TLN2: variants seen among roughly 807,000 people sequenced by gnomAD.
The protein encoded by TLN2 is talin-2.
A neutral mutation model predicts 294.7 loss-of-function variants in TLN2; 118 were observed. That is an observed-to-expected ratio of 0.40 (90% CI 0.34 to 0.47). The LOEUF is 0.47. TLN2 is among the 20% of genes least tolerant of loss of function. TLN2 has a pLI of 0.84. For synonymous variants in TLN2, 1,431 were observed against 1,304.5 expected (o/e 1.10, Z -2.09); for missense variants, 3,083 against 3,282.2 (o/e 0.94, Z 1.48).
intron 12 of TLN2, among the ~76,000 whole-genome samples, chr15:62,690,797 G>A (rs1242050763): frequency 6.6e-6 from 1 of 150,992 alleles, no homozygotes; most frequent in South Asian, 2.1e-4. Flanking sequence ...GATCACTCGC[G>A]GTTAGGAGCT....
At chr15:62,638,427 G>A (rs1453993283) in intron 3 of TLN2, 1 of 423,100 alleles carries the variant, frequency 2.4e-6, no homozygotes, top group East Asian at 7.1e-5. Flanking sequence ...ACTTAATGAT[G>A]GAATTCCAGG....
intron 54 of TLN2, among the ~76,000 whole-genome samples, chr15:62,826,785 C>T (rs1306787409): frequency 6.6e-6 from 1 of 152,214 alleles, no homozygotes; most frequent in Non-Finnish European, 1.5e-5. Context: ...TGCCTCACTC[C>T]TGTTGTGGGA....
intron 42 of TLN2, among the ~76,000 whole-genome samples, chr15:62,773,359 G>T (rs1447006680): frequency 6.6e-6 from 1 of 151,968 alleles, no homozygotes; most frequent in African/African-American, 2.4e-5. Context: ...TTTTCTACCA[G>T]TGTGAAGTAG....
intron 4 of TLN2, among the ~76,000 whole-genome samples, chr15:62,648,320 G>T (rs1218149353): frequency 7.3e-6 from 1 of 137,408 alleles, no homozygotes; most frequent in Non-Finnish European, 1.5e-5. Flanking sequence ...CAGGAAAGTA[G>T]TTTCAACCCA....
At chr15:62,725,598 A>T (rs2060395372) in intron 27 of TLN2, among the ~76,000 whole-genome samples, 1 of 152,200 alleles carries the variant, frequency 6.6e-6, no homozygotes, top group Non-Finnish European at 1.5e-5. Flanking sequence ...AGTCCTCCTC[A>T]TTTGTATGTA....
rs536751484 is a variant in TLN2, at chr15:62,763,543, A to G, written c.4962-20A>G. 115 of 1,592,960 alleles carry G rather than the reference A, an allele frequency of 7.2e-5. No homozygotes were observed. The highest frequency in any genetic ancestry group is 9.5e-5 in the Non-Finnish European group (111 of 1,164,754). ...TTGAGCCCCATGGAGCCTGTGTCCA[A>G]CTTGCACTATTCCTTCCAGGGACAA... is the stretch of plus-strand genomic sequence containing the variant. On this transcript the variant is annotated intron_variant, in intron 39 of 58. Transcript: ENST00000636159.
intron 3 of TLN2, among the ~76,000 whole-genome samples, chr15:62,628,802 G>T (rs2049516166): frequency 6.6e-6 from 1 of 152,210 alleles, no homozygotes; most frequent in Non-Finnish European, 1.5e-5. Context: ...TCCCTGTCCT[G>T]ATATCTGCAA....
At chr15:62,614,647 T>C (rs890257065) in intron 2 of TLN2, among the ~76,000 whole-genome samples, 5 of 152,196 alleles carry the variant, frequency 3.3e-5, no homozygotes, top group African/African-American at 1.2e-4. Flanking sequence ...GCTAAAATAA[T>C]TGTAATTTTT....
intron 1 of TLN2, among the ~76,000 whole-genome samples, chr15:62,582,371 G>A (rs1222203020): frequency 6.6e-6 from 1 of 152,112 alleles, no homozygotes; most frequent in Non-Finnish European, 1.5e-5. Context: ...ATGTGTATAA[G>A]AAACTGCTCT....
intron 9 of TLN2, among the ~76,000 whole-genome samples, chr15:62,658,493 G>A (rs943578303): frequency 6.6e-6 from 1 of 152,116 alleles, no homozygotes; most frequent in Non-Finnish European, 1.5e-5. Flanking sequence ...ATGCTGTTTG[G>A]TCTATACTGA....
chr15:62,418,008 C>T (rs192996982), intron 1 of TLN2, among the ~76,000 whole-genome samples: 3 of 152,332 alleles, frequency 2.0e-5, no homozygotes, highest in East Asian at 1.9e-4. Context: ...GCTTTTCCCC[C>T]GCTTATCCTT....
chr15:62,531,195 T>A (rs1321760990), intron 1 of TLN2, among the ~76,000 whole-genome samples: 1 of 152,230 alleles, frequency 6.6e-6, no homozygotes, highest in African/African-American at 2.4e-5. Context: ...AACAGATGAA[T>A]AGATAAAGAA....
At chr15:62,607,408 G>A (rs893687690) in intron 2 of TLN2, among the ~76,000 whole-genome samples, 11 of 152,212 alleles carry the variant, frequency 7.2e-5, no homozygotes, top group African/African-American at 2.6e-4. Context: ...GCTTTATTCT[G>A]TTGCCTTTGG....
intron 1 of TLN2, among the ~76,000 whole-genome samples, chr15:62,526,875 A>G (rs778126807): frequency 2.6e-5 from 4 of 152,244 alleles, no homozygotes; most frequent in Admixed American, 6.5e-5. Context: ...GAATACTTGG[A>G]AAGTGAAGTA....
chr15:62,543,012 A>T (rs2041788133), intron 1 of TLN2, among the ~76,000 whole-genome samples: 1 of 152,154 alleles, frequency 6.6e-6, no homozygotes, highest in South Asian at 2.1e-4. Flanking sequence ...GTGACCTAGG[A>T]CATATGTCAG....
intron 1 of TLN2, among the ~76,000 whole-genome samples, chr15:62,566,450 G>A (rs1410719618): frequency 1.3e-5 from 2 of 152,008 alleles, no homozygotes; most frequent in East Asian, 3.9e-4. Flanking sequence ...AGGGGTATAA[G>A]GCGAGTTCTA....
chr15:62,771,006 G>T lies in TLN2; in HGVS notation c.5239G>T (p.Ala1747Ser). ...CTATTTTGAGCCCTTGATCTTAGCC[G>T]CAGTTGGTGTGGCCTCCAAGATTCT... ...ASYFEPLILAAVGVASKILDH... is the reference protein window; with the variant it reads ...ASYFEPLILASVGVASKILDH... Residue 1747 changes from alanine to serine, a missense_variant, in exon 42 of 59, where the codon GCA becomes TCA. Transcript: ENST00000636159. The T allele has an allele frequency of 6.2e-7, 1 of 1,608,482 alleles. No individual in the cohort carries two copies. The highest frequency in any genetic ancestry group is 8.5e-7 in the Non-Finnish European group (1 of 1,179,044).
chr15:62,796,388 G>C (rs1463209534), intron 47 of TLN2, 95 bp downstream of exon 47: 11 of 1,412,868 alleles, frequency 7.8e-6, no homozygotes. Context: ...CAGAAATGTA[G>C]TTATCTGTTT....
chr15:62,611,007 C>A (rs2047868780), intron 2 of TLN2, among the ~76,000 whole-genome samples: 1 of 152,146 alleles, frequency 6.6e-6, no homozygotes, highest in Admixed American at 6.5e-5. Flanking sequence ...GCATCCCTTC[C>A]TGGCACCTGC....
Sources: allele counts gnomAD v4.1 joint callset (sites outside exome capture counted in the v4.1 genomes callset), GRCh38; gene constraint gnomAD v4.1.1; transcripts MANE v1.5; gene names NCBI Gene and HGNC (gene_info 2026-07-23, HGNC 2026-07-21).